The following NAALADL2 variants were observed in gnomAD, a reference collection of about 807,000 sequenced individuals.
The protein encoded by NAALADL2 is N-acetylated alpha-linked acidic dipeptidase like 2.
NAALADL2 carries 76 observed loss-of-function variants against 87.2 expected under a neutral mutation model. The ratio of observed to expected loss-of-function variants is 0.87; its 90% confidence interval spans 0.72 to 1.05. NAALADL2 has a LOEUF of 1.05. Ranked by LOEUF, NAALADL2 falls within the 50% of genes least tolerant of loss-of-function variation. The probability of loss-of-function intolerance (pLI) is 0.00; values close to 1 mark genes in which losing one functional copy is unlikely to be tolerated. For synonymous variants in NAALADL2, 354 were observed against 331.0 expected, an observed-to-expected ratio of 1.07 and a Z score of -0.75; for missense variants, 1,089 against 945.8, an observed-to-expected ratio of 1.15 and a Z score of -1.99.
At chr3:174,687,901 C>A (rs1371896328) in intron 2 of NAALADL2, among the ~76,000 whole-genome samples, 1 of 152,018 alleles carries the variant, frequency 6.6e-6, no homozygotes, top group African/African-American at 2.4e-5. Flanking sequence ...TTGCCTGCCA[C>A]CATATAAGAC....
chr3:174,586,324 A>G (rs985743224), intron 2 of NAALADL2, among the ~76,000 whole-genome samples: 1 of 152,170 alleles, frequency 6.6e-6, no homozygotes, highest in Non-Finnish European at 1.5e-5. Context: ...AATACGATAA[A>G]TAAGGCCACA....
chr3:175,276,788 CAA>C (rs1365225383), intron 4 of NAALADL2, among the ~76,000 whole-genome samples: 17 of 152,030 alleles, frequency 1.1e-4, no homozygotes, highest in Non-Finnish European at 1.2e-4. Context: ...AAATTTTCTT[CAA>C]GATGAGATCC....
intron 5 of NAALADL2, among the ~76,000 whole-genome samples, chr3:175,386,225 C>CTTTT (rs34006374): frequency 6.7e-6 from 1 of 148,250 alleles, no homozygotes; most frequent in Non-Finnish European, 1.5e-5. Flanking sequence ...GATAGATCAT[C>CTTTT]TTTTTTTTTT....
intron 11 of NAALADL2, among the ~76,000 whole-genome samples, chr3:175,723,439 A>G (rs895879070): frequency 3.3e-5 from 5 of 152,188 alleles, no homozygotes; most frequent in Admixed American, 2.6e-4. Context: ...GTTTTCAACA[A>G]TAAACATTTA....
At chr3:175,213,451 T>A (rs1742057076) in intron 2 of NAALADL2, among the ~76,000 whole-genome samples, 1 of 152,094 alleles carries the variant, frequency 6.6e-6, no homozygotes, top group South Asian at 2.1e-4. Context: ...TATCTTCTAG[T>A]GTTATGGAGA....
intron 5 of NAALADL2, among the ~76,000 whole-genome samples, chr3:175,415,258 T>C (rs544802281): frequency 1.3e-5 from 2 of 152,296 alleles, no homozygotes; most frequent in East Asian, 3.9e-4. Context: ...TAAGCAACCA[T>C]TTAATGGATG....
chr3:175,410,600 G>GAA (rs5854627), intron 5 of NAALADL2, among the ~76,000 whole-genome samples: 35 of 151,186 alleles, frequency 2.3e-4, no homozygotes, highest in Admixed American at 9.9e-4. Context: ...TAGTCTAGAG[G>GAA]AAAAAAAAAT....
In NAALADL2 at chr3:175,099,207, A is replaced by G. The variant is rs117603833; in HGVS notation, c.545+1916A>G. Among the ~76,000 whole-genome samples the G allele has an allele frequency of 3.3e-4, 50 of 152,280 alleles. 1 individual carries two copies. The East Asian group carries it at 9.3e-3, about 28-fold the overall frequency. On this transcript the variant is annotated intron_variant, in intron 2 of 13. Transcript: ENST00000454872. ...CAACTGATTATAAAATTTAAAATAA[A>G]TAATAATTACATTAAAATATTCATT...
intron 1 of NAALADL2, among the ~76,000 whole-genome samples, chr3:175,085,488 G>C (rs1718703480): frequency 6.6e-6 from 1 of 151,976 alleles, no homozygotes; most frequent in African/African-American, 2.4e-5. Context: ...TTTCCATTAT[G>C]GGGGCTCTCA....
chr3:175,637,819 T>G (rs1437595863), intron 11 of NAALADL2, among the ~76,000 whole-genome samples: 3 of 152,162 alleles, frequency 2.0e-5, no homozygotes, highest in African/African-American at 7.2e-5. Flanking sequence ...AAGACAGCAA[T>G]TAAATACACA....
intron 2 of NAALADL2, among the ~76,000 whole-genome samples, chr3:175,154,507 T>C (rs574747554): frequency 6.6e-6 from 1 of 152,276 alleles, no homozygotes; most frequent in South Asian, 2.1e-4. Flanking sequence ...CCTTTTTTAT[T>C]GGGTTGTTAC....
chr3:174,945,630 C>G (rs549076628), intron 1 of NAALADL2, among the ~76,000 whole-genome samples: 1 of 152,100 alleles, frequency 6.6e-6, no homozygotes, highest in African/African-American at 2.4e-5. Flanking sequence ...GACATTTGAA[C>G]GTGGCTTGGT....
chr3:175,464,321 G>A (rs1442334000), intron 7 of NAALADL2, among the ~76,000 whole-genome samples: 1 of 151,922 alleles, frequency 6.6e-6, no homozygotes, highest in African/African-American at 2.4e-5. Context: ...CTACTCAGGA[G>A]GCTGAGACAG....
chr3:174,513,503 C>T (rs1719740577), intron 1 of NAALADL2: 1 of 151,990 alleles, frequency 6.6e-6, no homozygotes, highest in Non-Finnish European at 1.5e-5. Context: ...CTGTTTGTTT[C>T]CAAAGATTGG....
At chr3:175,411,825 C>T (rs990240512) in intron 5 of NAALADL2, among the ~76,000 whole-genome samples, 3 of 151,974 alleles carry the variant, frequency 2.0e-5, no homozygotes, top group Non-Finnish European at 4.4e-5. Flanking sequence ...TTGTGTTCAA[C>T]AATGGGAGAT....
intron 5 of NAALADL2, among the ~76,000 whole-genome samples, chr3:175,358,498 A>C (rs1712457306): frequency 6.6e-6 from 1 of 152,154 alleles, no homozygotes; most frequent in Non-Finnish European, 1.5e-5. Flanking sequence ...TAGTTTAAAA[A>C]AAAAAAGCTA....
At chr3:174,979,804 A>C (rs554873976) in intron 1 of NAALADL2, among the ~76,000 whole-genome samples, 1 of 152,224 alleles carries the variant, frequency 6.6e-6, no homozygotes, top group African/African-American at 2.4e-5. Context: ...ACTATTAAAT[A>C]GAAATATTTC....
intron 1 of NAALADL2, among the ~76,000 whole-genome samples, chr3:174,937,395 A>G (rs1277805304): frequency 6.6e-6 from 1 of 152,038 alleles, no homozygotes; most frequent in African/African-American, 2.4e-5. Flanking sequence ...GTAGAATGAA[A>G]TCCAGAAAGG....
intron 5 of NAALADL2, among the ~76,000 whole-genome samples, chr3:175,412,927 A>ATTATTATTATTATTATTTTTT (rs1216480862): frequency 6.9e-6 from 1 of 145,632 alleles, no homozygotes; most frequent in Admixed American, 6.9e-5. Context: ...TATTATTATT[A>ATTATTATTATTATTATTTTTT]TTTTTGAGAC....
Sources: allele counts gnomAD v4.1 joint callset (sites outside exome capture counted in the v4.1 genomes callset), GRCh38; gene constraint gnomAD v4.1.1; transcripts MANE v1.5; gene names NCBI Gene and HGNC (gene_info 2026-07-23, HGNC 2026-07-21).